Variants in OTOA observed in about 807,000 individuals in gnomAD.
OTOA encodes the protein otoancorin.
Under a neutral mutation model 110.8 loss-of-function variants are expected in OTOA, and 70 were observed. That is an observed-to-expected ratio of 0.63 (90% CI 0.52 to 0.77). The LOEUF is 0.77. Ranked by LOEUF, OTOA falls within the 30% of genes least tolerant of loss-of-function variation. The pLI is 0.00. For synonymous variants in OTOA, 373 were observed against 431.5 expected, an observed-to-expected ratio of 0.86 and a Z score of 1.68; for missense variants, 917 against 1,075.8, an observed-to-expected ratio of 0.85 and a Z score of 2.06.
intron 13 of OTOA, 70 bp from the exon 14 acceptor site, chr16:21,714,915 T>C (rs1471236938): frequency 5.0e-6 from 8 of 1,598,936 alleles, no homozygotes; most frequent in Non-Finnish European, 6.8e-6. Flanking sequence ...GGCACATAGA[T>C]GGGCTGAGTG....
chr16:21,680,514 AAAAC>A (rs146969285), intron 5 of OTOA, among the ~76,000 whole-genome samples: 4,808 of 144,994 alleles, frequency 0.033, 278 homozygotes, highest in African/African-American at 0.12. Context: ...ACTCCATCGC[AAAAC>A]AAACAAACAA....
At chr16:21,684,156 G>A (rs372041012) in intron 6 of OTOA, among the ~76,000 whole-genome samples, 3 of 151,708 alleles carry the variant, frequency 2.0e-5, no homozygotes, top group Admixed American at 6.6e-5. Flanking sequence ...AGTTTTTCCC[G>A]AAATTCAAAT....
intron 21 of OTOA, among the ~76,000 whole-genome samples, chr16:21,732,622 GAA>G (rs1347323710): frequency 1.3e-5 from 2 of 151,900 alleles, no homozygotes; most frequent in Non-Finnish European, 2.9e-5. Flanking sequence ...TTCTGAAATT[GAA>G]AAAGTCTTGC....
intron 9 of OTOA, among the ~76,000 whole-genome samples, chr16:21,693,168 G>A (rs1417419718): frequency 6.6e-6 from 1 of 152,130 alleles, no homozygotes; most frequent in Non-Finnish European, 1.5e-5. Context: ...GGAGGCTGAG[G>A]TGGGAGAATC....
chr16:21,712,143 A>G (rs983331486), intron 13 of OTOA, among the ~76,000 whole-genome samples: 1 of 151,948 alleles, frequency 6.6e-6, no homozygotes. Context: ...GCTGGACAAC[A>G]TGGTGAAACC....
rs1472489067 is a variant in OTOA, at chr16:21,685,284, G to A, written c.322G>A (p.Glu108Lys). The A allele has an allele frequency of 6.2e-7, 1 of 1,613,108 alleles. No homozygotes were observed. Among genetic ancestry groups the A allele is most frequent in the Admixed American group, 1.7e-5 (1 of 59,982 alleles). The stretch of plus-strand genomic sequence containing the variant: ...TCTGCACCAGCCCCAGAAGCTGCTG[G>A]AGGACCTGAGGAAGACAGACGCCCA... ...QRLHQPQKLL[E>K]DLRKTDAQQF... The change falls in exon 7 of 29, where the codon GAG becomes AAG. Residue 108 changes from glutamate (E) to lysine (K), a missense_variant. Coordinates refer to ENST00000646100, the MANE Select transcript of OTOA (RefSeq NM_144672.4).
intron 1 of OTOA, among the ~76,000 whole-genome samples, chr16:21,677,305 T>C (rs1398740472): frequency 1.3e-5 from 2 of 152,148 alleles, no homozygotes; most frequent in African/African-American, 4.8e-5. Flanking sequence ...TTCCTGTTGT[T>C]CCATATCATC....
chr16:21,676,775 C>G (rs948354139), intron 1 of OTOA, among the ~76,000 whole-genome samples: 18 of 152,202 alleles, frequency 1.2e-4, no homozygotes, highest in African/African-American at 4.3e-4. Flanking sequence ...TCCACTCCGT[C>G]TCTTCTGCTC....
chr16:21,668,024 A>G (rs920300476), intron 1 of OTOA, among the ~76,000 whole-genome samples: 5 of 152,112 alleles, frequency 3.3e-5, no homozygotes, highest in Non-Finnish European at 7.3e-5. Flanking sequence ...CCACAGTTTC[A>G]TTATCAAACT....
chr16:21,666,004 G>A (rs1313140774), intron 1 of OTOA, among the ~76,000 whole-genome samples: 1 of 151,908 alleles, frequency 6.6e-6, no homozygotes, highest in Non-Finnish European at 1.5e-5. Context: ...TAAATTATTT[G>A]TAGAAATGGA....
chr16:21,696,326 G>A (rs911730515), intron 9 of OTOA, among the ~76,000 whole-genome samples: 1 of 152,078 alleles, frequency 6.6e-6, no homozygotes, highest in African/African-American at 2.4e-5. Flanking sequence ...GATAAGAGAA[G>A]GCTTTAAGGG....
At chr16:21,760,109 C>G (rs1597874780) in intron 28 of OTOA, among the ~76,000 whole-genome samples, 2 of 151,864 alleles carry the variant, frequency 1.3e-5, no homozygotes. Flanking sequence ...TCCTATGGAC[C>G]AGAGCCCTAA....
chr16:21,756,782 T>A (rs1233681337), intron 27 of OTOA, among the ~76,000 whole-genome samples: 1 of 151,610 alleles, frequency 6.6e-6, no homozygotes, highest in African/African-American at 2.4e-5. Context: ...GGCGGACAAA[T>A]CTAGCTAGGA....
chr16:21,720,864 T>A (rs1898707583), intron 17 of OTOA, among the ~76,000 whole-genome samples: 1 of 151,600 alleles, frequency 6.6e-6, no homozygotes, highest in African/African-American at 2.4e-5. Flanking sequence ...ATTAGAAAAT[T>A]TGCCTTTCTC....
At chr16:21,728,203 T>C (rs891287050) in intron 19 of OTOA, 38 bp from the exon 20 acceptor site, 2 of 1,612,800 alleles carry the variant, frequency 1.2e-6, no homozygotes, top group African/African-American at 1.3e-5. Context: ...TCTTATGCTC[T>C]GTTGGAACTG....
intron 10 of OTOA, among the ~76,000 whole-genome samples, chr16:21,698,959 G>C (rs1897997290): frequency 6.6e-6 from 1 of 152,066 alleles, no homozygotes; most frequent in Non-Finnish European, 1.5e-5. Context: ...TATTTTATTT[G>C]TTTATTTATG....
intron 2 of OTOA, 146 bp downstream of exon 2, chr16:21,678,751 G>A: frequency 8.3e-7 from 1 of 1,204,222 alleles, no homozygotes; most frequent in East Asian, 2.4e-5. Context: ...TATTCTAAGA[G>A]GATTTTTCAA....
intron 21 of OTOA, among the ~76,000 whole-genome samples, chr16:21,735,321 G>T (rs62045971): frequency 1.2e-4 from 18 of 151,464 alleles, no homozygotes; most frequent in Non-Finnish European, 2.1e-4. Flanking sequence ...GAGCAAGAGC[G>T]TGATGGGGGA....
At chr16:21,670,316 A>C (rs1255046810) in intron 1 of OTOA, among the ~76,000 whole-genome samples, 1 of 152,000 alleles carries the variant, frequency 6.6e-6, no homozygotes, top group Non-Finnish European at 1.5e-5. Flanking sequence ...AATTTACTGA[A>C]GAACATGCAA....
Sources: allele counts gnomAD v4.1 joint callset (sites outside exome capture counted in the v4.1 genomes callset), GRCh38; gene constraint gnomAD v4.1.1; transcripts MANE v1.5; gene names NCBI Gene and HGNC (gene_info 2026-07-23, HGNC 2026-07-21).